The following CROCC variants were observed in gnomAD, a reference collection of about 807,000 sequenced individuals.
The protein encoded by CROCC is ciliary rootlet coiled-coil, rootletin, also known as rootletin.
A neutral mutation model predicts 245.2 loss-of-function variants in CROCC; 180 were observed. That is an observed-to-expected ratio of 0.73 (90% confidence interval 0.65 to 0.83). CROCC has a LOEUF of 0.83. Ranked by LOEUF, CROCC falls within the 40% of genes least tolerant of loss-of-function variation. The pLI is 0.00. For missense variants in CROCC, 2,688 were observed against 2,779.4 expected (o/e 0.97, Z 0.74); for synonymous variants, 1,205 against 1,241.6 (o/e 0.97, Z 0.62).
chr1:16,948,993 G>C, intron 19 of CROCC, 67 bp downstream of exon 19: 1 of 1,577,262 alleles, frequency 6.3e-7, no homozygotes, highest in Admixed American at 1.8e-5. Flanking sequence ...CCCAAGGTCT[G>C]GGGTCTCACA....
At chr1:16,943,157 G>A (rs182566261) in intron 13 of CROCC, among the ~76,000 whole-genome samples, 9 of 152,298 alleles carry the variant, frequency 5.9e-5, no homozygotes, top group African/African-American at 1.2e-4. Flanking sequence ...CAGGAGAATC[G>A]CTTGAACTCT....
At chr1:16,921,128 TG>T (rs2075394914), upstream of CROCC, among the ~76,000 whole-genome samples, 1 of 152,292 alleles carries the variant, frequency 6.6e-6, no homozygotes, top group Non-Finnish European at 1.5e-5. Flanking sequence ...CCATGTCATG[TG>T]CTGGGTATGC....
chr1:16,966,586 A>C lies in CROCC; in HGVS notation c.4860+15A>C. 6.8e-7 allele frequency: 1 copy of C among 1,462,756 alleles called. No individual in the cohort carries two copies. The highest frequency in any genetic ancestry group is 9.0e-7 in the Non-Finnish European group (1 of 1,109,746). The allele number at this position is 1,462,756 out of a possible 1,614,324, so 90.6% of individuals were successfully genotyped here. ...GGGCCAGCCAGGTGGGCAGGAGCTGAGGGCCAGCGGGGCGACGGGGAATCT... is the reference window on the plus strand; with the variant it reads ...GGGCCAGCCAGGTGGGCAGGAGCTGCGGGCCAGCGGGGCGACGGGGAATCT... On this transcript the variant is annotated intron_variant, in intron 30 of 36. Coordinates refer to ENST00000375541, the MANE Select transcript of CROCC (RefSeq NM_014675.5). The surrounding 1 kb of genome is among the most constrained non-coding windows in gnomAD (Gnocchi z 4.8).
At chr1:16,936,516 G>A (rs1443281743) in intron 8 of CROCC, 121 bp from the exon 9 acceptor site, 28 of 1,022,550 alleles carry the variant, frequency 2.7e-5, no homozygotes, top group Non-Finnish European at 3.5e-5. Context: ...TGATCTGCCC[G>A]CCTTGGCCTC....
At chr1:16,938,586 G>C (rs1438339365) in intron 11 of CROCC, 103 bp downstream of exon 11, 25 of 1,129,334 alleles carry the variant, frequency 2.2e-5, no homozygotes, top group East Asian at 2.6e-5. Context: ...ATGGGTGGGG[G>C]CCTGGGACCC....
chr1:16,937,696 G>C lies in CROCC; in HGVS notation c.1249G>C (p.Asp417His). The change falls in exon 10 of 37, where the codon GAT (aspartate) becomes CAT (histidine). Residue 417 changes from aspartate to histidine, a missense_variant. By Grantham distance (81) the Asp-to-His change is moderately conservative (BLOSUM62 -1). Around this residue, in one of 9 missense-constraint regions of CROCC, gnomAD observed 972 missense variants for 895.3 expected, o/e 1.09. Transcript: ENST00000375541. Reference sequence around the variant, plus strand: ...TCTTGAGAAGCAGAATCTGGAGAAGGATCAGGTCAACAAGGACCTCACTGA... The same window carrying C: ...TCTTGAGAAGCAGAATCTGGAGAAGCATCAGGTCAACAAGGACCTCACTGA... ...KRLEKQNLEK[D>H]QVNKDLTEKL... 1 of 1,611,500 alleles carries C rather than the reference G, an allele frequency of 6.2e-7. No homozygotes were observed. The highest frequency in any genetic ancestry group is 8.5e-7 in the Non-Finnish European group (1 of 1,179,572).
intron 30 of CROCC, among the ~76,000 whole-genome samples, chr1:16,967,431 C>T (rs1339420138): frequency 3.3e-5 from 5 of 152,308 alleles, no homozygotes; most frequent in South Asian, 4.1e-4. Flanking sequence ...CCGAGCTTAG[C>T]TGGATTGTTG....
chr1:16,948,231 G>A (rs574434561), intron 17 of CROCC, 100 bp from the exon 18 acceptor site: 2 of 1,440,186 alleles, frequency 1.4e-6, no homozygotes, highest in African/African-American at 2.8e-5. Context: ...TCAAACCCAG[G>A]CCTTCTGCCA....
rs1169799776 is a variant in CROCC, at chr1:16,948,375, C to G, written c.2559C>G (p.Ala853=). 7.0e-6 allele frequency: 11 copies of G among 1,578,538 alleles called. No homozygotes were observed. The African/African-American group carries it at 1.5e-4, about 21-fold the overall frequency. ...LSGREQELEQ[A]RREAQRQVEA... is the part of the protein sequence containing the mutation. ...GGCGGGAGCAGGAGCTGGAGCAGGC[C>G]CGGCGGGAGGCCCAGCGGCAAGTGG... Residue 853 remains alanine (A), a synonymous_variant, in exon 18 of 37, where the codon GCC becomes GCG. Coordinates refer to ENST00000375541, the MANE Select transcript of CROCC (RefSeq NM_014675.5).
At chr1:16,922,883 G>T in intron 2 of CROCC, 85 bp downstream of exon 2, 2 of 1,527,138 alleles carry the variant, frequency 1.3e-6, no homozygotes, top group South Asian at 1.3e-5. Flanking sequence ...TCACCATGAT[G>T]ATCATGACTG....
At position 16,946,815 on chromosome 1, in the gene CROCC, G is replaced by A; in HGVS notation, c.2338G>A (p.Ala780Thr). The A allele has an allele frequency of 2.6e-6, 4 of 1,552,782 alleles. No individual in the cohort carries two copies. Among genetic ancestry groups the A allele is most frequent in the Non-Finnish European group, 3.5e-6 (4 of 1,147,794 alleles). Residue 780 changes from alanine to threonine, a missense_variant, in exon 17 of 37, where the codon GCC becomes ACC. By Grantham distance (58) the Ala-to-Thr change is moderately conservative. Coordinates refer to ENST00000375541, the MANE Select transcript of CROCC (RefSeq NM_014675.5). Reference protein sequence around the residue: ...QGRQRQAEQEATVAREEQERL... With the variant: ...QGRQRQAEQETTVAREEQERL... ...CCGGCAACGGCAGGCAGAGCAGGAG[G>A]CCACAGTGGCGCGGGAAGAGCAGGA...
At chr1:16,962,503 C>G (rs1166832123) in intron 27 of CROCC, among the ~76,000 whole-genome samples, 1 of 145,418 alleles carries the variant, frequency 6.9e-6, no homozygotes, top group African/African-American at 2.6e-5. Flanking sequence ...CCACTGCACT[C>G]CAGCCTGGGC....
chr1:16,940,060 A>T lies in CROCC; in HGVS notation c.1775A>T (p.Gln592Leu). Residue 592 changes from glutamine to leucine, a missense_variant, in exon 13 of 37, where the codon CAG (glutamine) becomes CTG (leucine). By Grantham distance (113) the Gln-to-Leu change is moderately radical (BLOSUM62 -2). Coordinates refer to ENST00000375541, the MANE Select transcript of CROCC (RefSeq NM_014675.5). ...QAHEDAQREV[Q>L]RLRSANELLS... is the part of the protein sequence containing the mutation. Reference sequence around the variant, plus strand: ...CACGAGGACGCCCAGCGCGAGGTGCAGCGGCTGCGGAGCGCCAACGAGCTC... The same window carrying T: ...CACGAGGACGCCCAGCGCGAGGTGCTGCGGCTGCGGAGCGCCAACGAGCTC... 6.2e-7 allele frequency: 1 copy of T among 1,608,908 alleles called. No homozygotes were observed. Among genetic ancestry groups the T allele is most frequent in the East Asian group, 2.2e-5 (1 of 44,846 alleles).
Position 16,966,599 on chromosome 1 carries a change from C to A in CROCC, c.4860+28C>A. 6.9e-7 allele frequency: 1 copy of A among 1,451,582 alleles called. No homozygotes were observed. The highest frequency in any genetic ancestry group is 2.6e-5 in the Admixed American group (1 of 38,158). The allele number at this position is 1,451,582 out of a possible 1,614,324, so 89.9% of individuals were successfully genotyped here. ...GGGCAGGAGCTGAGGGCCAGCGGGG[C>A]GACGGGGAATCTGTGTACCCGAGTG... On this transcript the variant is annotated intron_variant, in intron 30 of 36. Transcript: ENST00000375541. The surrounding 1 kb of genome is among the most constrained non-coding windows in gnomAD (Gnocchi z 4.8).
chr1:16,938,929 G>A lies in CROCC; in HGVS notation c.1395G>A (p.Glu465=). Residue 465 remains glutamate (E), a synonymous_variant, in exon 12 of 37, where the codon GAG becomes GAA. Transcript: ENST00000375541. ...DLAQAVLSDS[E]SGVQLSGSER... ...CTCAGGCCGTCTTGTCAGACTCTGAGAGCGGCGTCCAGCTGAGCGGCTCTG... is the reference window on the plus strand; with the variant it reads ...CTCAGGCCGTCTTGTCAGACTCTGAAAGCGGCGTCCAGCTGAGCGGCTCTG... 1.2e-6 allele frequency: 2 copies of A among 1,602,402 alleles called. No homozygotes were observed. The highest frequency in any genetic ancestry group is 8.5e-7 in the Non-Finnish European group (1 of 1,176,910).
intron 8 of CROCC, among the ~76,000 whole-genome samples, chr1:16,934,914 T>G (rs1418969039): frequency 1.3e-5 from 2 of 151,720 alleles, no homozygotes. Context: ...TTTTTTTCTT[T>G]TTTGAGATAG....
rs769298191 is a variant in CROCC, at chr1:16,922,796, C to T, written c.194C>T (p.Pro65Leu). 5 of 1,611,926 alleles carry T rather than the reference C, an allele frequency of 3.1e-6. No individual in the cohort carries two copies. Among genetic ancestry groups the T allele is most frequent in the Non-Finnish European group, 4.2e-6 (5 of 1,179,350 alleles). ...CGCAACCTCTCCCAGCCTGAGAGCC[C>T]AGGTGCCACCCCCATCCGCTCCCCT... ...VTRNLSQPES[P>L]VLLPATEMAS... The change falls in exon 2 of 37, where the codon CCA becomes CTA. Residue 65 changes from proline to leucine, a missense_variant and splice_region_variant. By Grantham distance (98) the Pro-to-Leu change is moderately conservative (BLOSUM62 -3). Around this residue, in one of 9 missense-constraint regions of CROCC, gnomAD observed 972 missense variants for 895.3 expected, o/e 1.09. Coordinates refer to ENST00000375541, the MANE Select transcript of CROCC (RefSeq NM_014675.5).
chr1:16,914,359 G>T (rs879435498), intron 1 of CROCC, among the ~76,000 whole-genome samples: 2 of 152,232 alleles, frequency 1.3e-5, no homozygotes, highest in Admixed American at 1.3e-4. Context: ...GATTGTCGCG[G>T]GCCGGGGGCA....
intron 27 of CROCC, among the ~76,000 whole-genome samples, chr1:16,961,900 G>A (rs546176369): frequency 6.6e-6 from 1 of 152,020 alleles, no homozygotes; most frequent in Non-Finnish European, 1.5e-5. Context: ...TTCCTGGACC[G>A]GGGGCTGGAG....
Sources: gnomAD v4.1 joint callset for allele counts (sites outside exome capture counted in the v4.1 genomes callset) on GRCh38, gnomAD v4.1.1 for gene constraint, gnomAD v4.1.1 regional missense constraint, Gnocchi (gnomAD v3.1) non-coding constraint, MANE v1.5 for transcripts, NCBI Gene and HGNC (gene_info 2026-07-23, HGNC 2026-07-21) for gene names.